Variants in H2BN1 observed in about 807,000 individuals in gnomAD.
The protein encoded by H2BN1 is H2B.N variant histone 1, also known as histone H2B.N.
At chr17:32,900,683 G>A in the H2BN1 span, among the ~76,000 whole-genome samples, 1 of 151,852 alleles carries the variant, frequency 6.6e-6, no homozygotes, top group Admixed American at 6.6e-5. Flanking sequence ...TGGGGTTCAC[G>A]CCATTCTCCT....
chr17:32,897,263 A>G, the H2BN1 span, among the ~76,000 whole-genome samples: 1 of 151,152 alleles, frequency 6.6e-6, no homozygotes, highest in Non-Finnish European at 1.5e-5. Context: ...AACCAGGAAA[A>G]CTTTTTGAAT....
chr17:32,905,459 A>G, the H2BN1 span, among the ~76,000 whole-genome samples: 3 of 152,174 alleles, frequency 2.0e-5, no homozygotes, highest in South Asian at 6.2e-4. Flanking sequence ...TATGGTTACC[A>G]AAATGTGAAC....
At chr17:32,901,744 G>A in the H2BN1 span, among the ~76,000 whole-genome samples, 4 of 152,280 alleles carry the variant, frequency 2.6e-5, no homozygotes, top group African/African-American at 7.2e-5. Flanking sequence ...TGAAAATGGC[G>A]AGATGCAATG....
chr17:32,897,712 A>T, the H2BN1 span, among the ~76,000 whole-genome samples: 1 of 152,218 alleles, frequency 6.6e-6, no homozygotes, highest in Non-Finnish European at 1.5e-5. Context: ...GTTGAGTGTC[A>T]GCATGGTAGG....
chr17:32,899,442 G>A, the H2BN1 span, among the ~76,000 whole-genome samples: 5 of 152,132 alleles, frequency 3.3e-5, no homozygotes, highest in Non-Finnish European at 7.3e-5. Flanking sequence ...CCTGGCTGAA[G>A]ACCTGTACAG....
the H2BN1 span, among the ~76,000 whole-genome samples, chr17:32,903,452 T>C: frequency 6.6e-6 from 1 of 152,072 alleles, no homozygotes; most frequent in Admixed American, 6.6e-5. Context: ...TAGAGGGAAA[T>C]TAATATGAAT....
chr17:32,904,087 G>T, the H2BN1 span, among the ~76,000 whole-genome samples: 6,618 of 152,128 alleles, frequency 0.044, 229 homozygotes, highest in East Asian at 0.19. Flanking sequence ...ATTAATTTTT[G>T]TTGGAGATTT....
chr17:32,899,946 C>G, the H2BN1 span, among the ~76,000 whole-genome samples: 1 of 152,154 alleles, frequency 6.6e-6, no homozygotes, highest in African/African-American at 2.4e-5. Context: ...CCAAAGTTAT[C>G]AGAAATTTGT....
the H2BN1 span, among the ~76,000 whole-genome samples, chr17:32,895,507 G>A: frequency 1.3e-5 from 2 of 152,160 alleles, no homozygotes; most frequent in Admixed American, 6.5e-5. Flanking sequence ...TCAAAAAGAA[G>A]CATGAGTGGG....
the H2BN1 span, among the ~76,000 whole-genome samples, chr17:32,903,183 G>A: frequency 6.6e-6 from 1 of 151,130 alleles, no homozygotes; most frequent in African/African-American, 2.4e-5. Flanking sequence ...ATTTTCAGTA[G>A]TGAAATATTA....
the H2BN1 span, among the ~76,000 whole-genome samples, chr17:32,903,519 C>T: frequency 2.6e-5 from 4 of 152,176 alleles, no homozygotes; most frequent in Non-Finnish European, 5.9e-5. Context: ...TAAATACACA[C>T]ACACCTTATA....
At chr17:32,902,123 A>C in the H2BN1 span, among the ~76,000 whole-genome samples, 1 of 152,002 alleles carries the variant, frequency 6.6e-6, no homozygotes, top group Non-Finnish European at 1.5e-5. Flanking sequence ...AAAAAAAAAA[A>C]AACCTCTTTA....
chr17:32,899,837 CAA>C, the H2BN1 span, among the ~76,000 whole-genome samples: 4 of 152,184 alleles, frequency 2.6e-5, no homozygotes, highest in South Asian at 2.1e-4. Flanking sequence ...AGTCAGAAGT[CAA>C]AAAGATTATT....
At chr17:32,904,248 C>G in the H2BN1 span, among the ~76,000 whole-genome samples, 1 of 152,158 alleles carries the variant, frequency 6.6e-6, no homozygotes, top group African/African-American at 2.4e-5. Flanking sequence ...TCTATGAAAA[C>G]AACAGTTCAG....
the H2BN1 span, among the ~76,000 whole-genome samples, chr17:32,899,701 G>T: frequency 6.6e-6 from 1 of 152,106 alleles, no homozygotes; most frequent in African/African-American, 2.4e-5. Flanking sequence ...CAGATAGAGA[G>T]AAACAAATAT....
the H2BN1 span, among the ~76,000 whole-genome samples, chr17:32,904,296 A>G: frequency 6.6e-6 from 1 of 152,310 alleles, no homozygotes; most frequent in South Asian, 2.1e-4. Context: ...CCGAATTGAG[A>G]TTACTTTTGG....
At chr17:32,897,319 A>G in the H2BN1 span, among the ~76,000 whole-genome samples, 2 of 117,740 alleles carry the variant, frequency 1.7e-5, no homozygotes, top group East Asian at 2.3e-4. Flanking sequence ...CTCATCCCCC[A>G]TCTCCCCCTT....
At chr17:32,901,174 T>C in the H2BN1 span, among the ~76,000 whole-genome samples, 1 of 152,110 alleles carries the variant, frequency 6.6e-6, no homozygotes, top group Non-Finnish European at 1.5e-5. Context: ...GCCACTGCAC[T>C]CCAGCCTGGG....
At chr17:32,897,944 C>T in the H2BN1 span, among the ~76,000 whole-genome samples, 7 of 152,136 alleles carry the variant, frequency 4.6e-5, no homozygotes, top group African/African-American at 1.4e-4. Flanking sequence ...TGGTGTTGGA[C>T]GTTAACTCCA....
Sources: gnomAD v4.1 joint callset for allele counts (sites outside exome capture counted in the v4.1 genomes callset) on GRCh38, gnomAD v4.1.1 for gene constraint, MANE v1.5 for transcripts, NCBI Gene and HGNC (gene_info 2026-07-23, HGNC 2026-07-21) for gene names.